The following USP39 variants were observed in gnomAD, a reference collection of about 807,000 sequenced individuals.
The protein encoded by USP39 is ubiquitin specific peptidase 39, also known as ubiquitin carboxyl-terminal hydrolase 39.
A neutral mutation model predicts 66.4 loss-of-function variants in USP39; 38 were observed. That is an observed-to-expected ratio of 0.57 (90% CI 0.44 to 0.75). The LOEUF is 0.75. Among genes scored for constraint, USP39 ranks in the 30% least tolerant of loss-of-function variants. USP39 has a pLI of 0.00. For missense variants in USP39, 608 were observed against 714.4 expected (o/e 0.85, Z 1.70); for synonymous variants, 303 against 274.6 (o/e 1.10, Z -1.02).
chr2:85,642,254 C>T (rs1676289645), intron 10 of USP39, among the ~76,000 whole-genome samples: 1 of 152,212 alleles, frequency 6.6e-6, no homozygotes, highest in African/African-American at 2.4e-5. Context: ...CTTTTCTCCA[C>T]TAGCATCTTG....
chr2:85,628,622 A>G (rs1020472435), intron 5 of USP39, among the ~76,000 whole-genome samples: 1 of 152,170 alleles, frequency 6.6e-6, no homozygotes, highest in African/African-American at 2.4e-5. Context: ...CAGATCATCC[A>G]TCTGGAGGGT....
intron 4 of USP39, 122 bp from the exon 5 acceptor site, chr2:85,625,417 T>G (rs1674779535): frequency 1.5e-6 from 2 of 1,316,206 alleles, no homozygotes; most frequent in South Asian, 2.5e-5. Context: ...GTTCGGACTA[T>G]TTTTCTGTGT....
intron 1 of USP39, among the ~76,000 whole-genome samples, chr2:85,605,599 A>G (rs1336928369): frequency 6.6e-6 from 1 of 152,216 alleles, no homozygotes; most frequent in Non-Finnish European, 1.5e-5. Context: ...AGTAATTGTC[A>G]ACATTCCATG....
At chr2:85,612,374 T>G (rs937958310), upstream of USP39, 1 of 1,535,726 alleles carries the variant, frequency 6.5e-7, no homozygotes, top group East Asian at 2.4e-5. Flanking sequence ...TAGGATGCTG[T>G]GCAATCCATC....
chr2:85,628,108 C>A (rs1374922502), intron 5 of USP39, among the ~76,000 whole-genome samples: 2 of 152,096 alleles, frequency 1.3e-5, no homozygotes, highest in African/African-American at 4.8e-5. Context: ...AGAGACTTTT[C>A]ATCAGATCGT....
At chr2:85,614,948 A>C (rs1048495991), upstream of USP39, among the ~76,000 whole-genome samples, 3 of 151,620 alleles carry the variant, frequency 2.0e-5, no homozygotes, top group Non-Finnish European at 4.4e-5. Context: ...TCTGACATAT[A>C]CCGCAAGTCA....
upstream of USP39, chr2:85,611,559 C>A: frequency 6.4e-7 from 1 of 1,551,034 alleles, no homozygotes; most frequent in East Asian, 2.4e-5. Flanking sequence ...CGGAAAGAGA[C>A]GAGATGAGCT....
Position 85,619,155 on chromosome 2 carries a change from G to T in USP39, c.269-65G>T. 7 of 1,536,632 alleles carry T rather than the reference G, an allele frequency of 4.6e-6. No homozygotes were observed. The Admixed American group carries it at 7.3e-5, about 16-fold the overall frequency. ...TTTTCCCATTTCTGTTTCTTTTTTT[G>T]TTCTGTTAGTTGGCCCTGAGTATAG... On this transcript the variant is annotated intron_variant, in intron 1 of 12. Transcript: ENST00000323701.
Position 85,616,364 on chromosome 2 carries a change from G to C in USP39, c.169G>C (p.Ala57Pro). ...PVRVKREFEPASAREAPASVV... is the reference protein window; with the variant it reads ...PVRVKREFEPPSAREAPASVV... ...GCGCGTGAAGCGGGAGTTCGAGCCG[G>C]CGAGCGCGCGCGAGGCCCCGGCTTC... Residue 57 changes from alanine to proline, a missense_variant, in exon 1 of 13, where the codon GCG (alanine) becomes CCG (proline). Around this residue, in one of 6 missense-constraint regions of USP39, gnomAD observed 207 missense variants for 145.7 expected, o/e 1.42. Transcript: ENST00000323701. 2 of 1,600,936 alleles carry C rather than the reference G, an allele frequency of 1.2e-6. No individual in the cohort carries two copies. The highest frequency in any genetic ancestry group is 1.7e-6 in the Non-Finnish European group (2 of 1,174,068).
chr2:85,616,557 G>GGTTT, intron 1 of USP39, 94 bp downstream of exon 1: 1 of 260,692 alleles, frequency 3.8e-6, no homozygotes, highest in Non-Finnish European at 7.2e-6. Context: ...CTGCGCCGGA[G>GGTTT]TTGGGGGAGG....
At chr2:85,634,985 G>T (rs1675647779) in intron 6 of USP39, among the ~76,000 whole-genome samples, 1 of 152,198 alleles carries the variant, frequency 6.6e-6, no homozygotes. Context: ...TATTGGCTAG[G>T]ATAGTTATGA....
chr2:85,607,669 T>A (rs1327073129), upstream of USP39: 1 of 152,226 alleles, frequency 6.6e-6, no homozygotes, highest in Non-Finnish European at 1.5e-5. Flanking sequence ...TCAGGTGTCT[T>A]AACACCCGGA....
intron 4 of USP39, 72 bp from the exon 5 acceptor site, chr2:85,625,467 A>G (rs1409558497): frequency 4.4e-6 from 7 of 1,587,170 alleles, no homozygotes; most frequent in South Asian, 2.2e-5. Flanking sequence ...TTGTTTTTGT[A>G]GAAATTACTG....
At chr2:85,612,490 T>C (rs1673628621), upstream of USP39, 20 of 1,011,724 alleles carry the variant, frequency 2.0e-5, no homozygotes, top group South Asian at 2.8e-4. Flanking sequence ...TTGTGAGGCC[T>C]TGAAGTGCTC....
intron 2 of USP39, chr2:85,621,066 C>T (rs1674419377): frequency 6.5e-6 from 1 of 153,964 alleles, no homozygotes; most frequent in African/African-American, 2.4e-5. Flanking sequence ...TGGATCAGAG[C>T]TCATTAGTCA....
upstream of USP39, chr2:85,610,970 A>G (rs1207839342): frequency 6.5e-6 from 1 of 152,908 alleles, no homozygotes; most frequent in Non-Finnish European, 1.5e-5. Flanking sequence ...CATGTTAGCC[A>G]GGATGGTCTC....
At chr2:85,625,346 C>T (rs899078440) in intron 4 of USP39, among the ~76,000 whole-genome samples, 193 bp from the exon 5 acceptor site, 1 of 152,094 alleles carries the variant, frequency 6.6e-6, no homozygotes, top group African/African-American at 2.4e-5. Context: ...ACAGAGATCC[C>T]CTTGTAGATT....
chr2:85,630,739 C>A lies in USP39; in HGVS notation c.742C>A (p.Pro248Thr). 6.2e-7 allele frequency: 1 copy of A among 1,614,138 alleles called. No individual in the cohort carries two copies. Among genetic ancestry groups the A allele is most frequent in the South Asian group, 1.1e-5 (1 of 91,068 alleles). The change falls in exon 6 of 13, where the codon CCT becomes ACT. Residue 248 changes from proline (P) to threonine (T), a missense_variant. Pro to Thr is a conservative substitution (Grantham distance 38). This residue lies in a region of USP39 where 115 missense variants were observed against 198.6 expected (regional missense o/e 0.58). Coordinates refer to ENST00000323701, the MANE Select transcript of USP39 (RefSeq NM_006590.4). ...AVLQALSNVP[P>T]LRNYFLEEDN... is the part of the protein sequence containing the mutation. ...TTTTTAGGCTCTATCTAATGTTCCT[C>A]CTCTCCGGAACTACTTTCTGGAAGA...
intron 3 of USP39, among the ~76,000 whole-genome samples, chr2:85,623,189 G>C (rs1302327125): frequency 6.6e-6 from 1 of 152,136 alleles, no homozygotes; most frequent in Non-Finnish European, 1.5e-5. Context: ...GCATTGTCCT[G>C]AATATGGGCA....
Sources: gnomAD v4.1 joint callset for allele counts (sites outside exome capture counted in the v4.1 genomes callset) on GRCh38, gnomAD v4.1.1 for gene constraint, gnomAD v4.1.1 regional missense constraint, MANE v1.5 for transcripts, NCBI Gene and HGNC (gene_info 2026-07-23, HGNC 2026-07-21) for gene names.